The following SEMA3E variants were observed in gnomAD, a reference collection of about 807,000 sequenced individuals.
SEMA3E encodes the protein semaphorin 3E.
SEMA3E carries 49 observed loss-of-function variants against 93.6 expected under a neutral mutation model. The ratio of observed to expected loss-of-function variants is 0.52; its 90% CI spans 0.42 to 0.66. SEMA3E has a LOEUF of 0.66. SEMA3E is among the 30% of genes least tolerant of loss of function. The pLI is 0.00. For synonymous variants in SEMA3E, 363 were observed against 330.7 expected (o/e 1.10, Z -1.06); for missense variants, 906 against 964.8 (o/e 0.94, Z 0.81).
intron 1 of SEMA3E, among the ~76,000 whole-genome samples, chr7:83,502,969 A>G (rs2115609569): frequency 6.6e-6 from 1 of 151,792 alleles, no homozygotes; most frequent in South Asian, 2.1e-4. Flanking sequence ...AATGATTCAT[A>G]GTACCTAATG....
chr7:83,546,864 G>C (rs952218374), intron 1 of SEMA3E, among the ~76,000 whole-genome samples: 1 of 152,060 alleles, frequency 6.6e-6, no homozygotes, highest in Non-Finnish European at 1.5e-5. Context: ...TGAAGTAAAT[G>C]TTACCAAATC....
intron 1 of SEMA3E, among the ~76,000 whole-genome samples, chr7:83,577,839 T>C (rs1792439113): frequency 6.6e-6 from 1 of 152,044 alleles, no homozygotes; most frequent in Non-Finnish European, 1.5e-5. Context: ...ATATATTATT[T>C]TTCATAGTTA....
chr7:83,622,563 A>G (rs1008007279), intron 1 of SEMA3E, among the ~76,000 whole-genome samples: 2 of 152,348 alleles, frequency 1.3e-5, no homozygotes, highest in Middle Eastern at 3.4e-3. Flanking sequence ...CACAATAGCA[A>G]AGACATGGAA....
At chr7:83,554,484 C>A (rs571484941) in intron 1 of SEMA3E, among the ~76,000 whole-genome samples, 2 of 152,154 alleles carry the variant, frequency 1.3e-5, no homozygotes, top group African/African-American at 2.4e-5. Flanking sequence ...TCTGACCGTT[C>A]TAGAGATGTA....
chr7:83,376,787 T>A (rs187564769), intron 16 of SEMA3E, among the ~76,000 whole-genome samples: 12 of 152,190 alleles, frequency 7.9e-5, no homozygotes, highest in Non-Finnish European at 1.5e-4. Flanking sequence ...GTCTATATAA[T>A]GCATACAATT....
chr7:83,632,155 C>CA (rs61218994), intron 1 of SEMA3E, among the ~76,000 whole-genome samples: 992 of 90,720 alleles, frequency 0.011, 4 homozygotes, highest in Middle Eastern at 0.056. Flanking sequence ...AACTCCATCT[C>CA]AAAAAAAAAA....
intron 1 of SEMA3E, among the ~76,000 whole-genome samples, chr7:83,515,746 C>T (rs956326426): frequency 8.5e-5 from 13 of 152,168 alleles, no homozygotes; most frequent in African/African-American, 3.1e-4. Flanking sequence ...GCTGGTTGTT[C>T]GAGGGGAGTG....
intron 1 of SEMA3E, among the ~76,000 whole-genome samples, chr7:83,582,045 C>G (rs1400844637): frequency 6.6e-6 from 1 of 151,920 alleles, no homozygotes; most frequent in Admixed American, 6.6e-5. Context: ...GGGATCATAA[C>G]TCTACACTAA....
chr7:83,570,552 C>CAAAAAAAAA (rs59715914), intron 1 of SEMA3E, among the ~76,000 whole-genome samples: 341 of 32,956 alleles, frequency 0.01, 11 homozygotes, highest in African/African-American at 0.038. Context: ...GACTCCGTCT[C>CAAAAAAAAA]AAAAAAAAAA....
At chr7:83,456,519 G>A (rs971999908) in intron 4 of SEMA3E, among the ~76,000 whole-genome samples, 1 of 151,730 alleles carries the variant, frequency 6.6e-6, no homozygotes, top group Admixed American at 6.6e-5. Context: ...TTCTCTACCT[G>A]CTATTCTAAG....
chr7:83,447,241 C>T (rs1191303441), intron 4 of SEMA3E, among the ~76,000 whole-genome samples: 1 of 152,114 alleles, frequency 6.6e-6, no homozygotes, highest in Non-Finnish European at 1.5e-5. Flanking sequence ...ATATAAAACT[C>T]TATGCAACAT....
rs997035150 is a variant in SEMA3E, at chr7:83,380,600, G to A, written c.1875+4694C>T. Among the ~76,000 whole-genome samples the A allele has an allele frequency of 7.9e-5, 12 of 151,922 alleles. No homozygotes were observed. The East Asian group carries it at 9.7e-4, about 12-fold the overall frequency. ...TCAAATGTCATCTCTGCCATGAATCGTTTCCCAGTTGGTTATTATGCCACC... is the reference window on the plus strand; with the variant it reads ...TCAAATGTCATCTCTGCCATGAATCATTTCCCAGTTGGTTATTATGCCACC... On this transcript the variant is annotated intron_variant, in intron 16 of 16. Coordinates refer to ENST00000643230, the MANE Select transcript of SEMA3E (RefSeq NM_012431.3).
Position 83,494,550 on chromosome 7 carries a change from C to T in SEMA3E, c.116-4276G>A, listed in dbSNP as rs144382202. Among the ~76,000 whole-genome samples the T allele has an allele frequency of 2.6e-5, 4 of 151,924 alleles. No homozygotes were observed. In the East Asian group the frequency reaches 7.7e-4, roughly 29 times the overall value. ...ATGTTATTTGGAATATTAATGACTGCAATGAACAGAGATTAAATTAAAGTA... is the reference window on the plus strand; with the variant it reads ...ATGTTATTTGGAATATTAATGACTGTAATGAACAGAGATTAAATTAAAGTA... On this transcript the variant is annotated intron_variant, in intron 1 of 16. Coordinates refer to ENST00000643230, the MANE Select transcript of SEMA3E (RefSeq NM_012431.3).
intron 1 of SEMA3E, among the ~76,000 whole-genome samples, chr7:83,609,271 C>T (rs766426635): frequency 3.9e-5 from 6 of 151,920 alleles, no homozygotes; most frequent in Non-Finnish European, 7.4e-5. Flanking sequence ...CTCTACTTAA[C>T]AACAACAAAG....
In SEMA3E at chr7:83,408,449, T is replaced by C. The variant is rs759762007; in HGVS notation, c.589A>G (p.Ser197Gly). The C allele has an allele frequency of 8.7e-6, 14 of 1,613,760 alleles. No homozygotes were observed. Among genetic ancestry groups the C allele is most frequent in the Non-Finnish European group, 1.1e-5 (13 of 1,179,848 alleles). ...CTGCGGAAGATCGCAGCGTCTCTGC[T>C]CCAGTAGTCACTGTAGAGTCCAGCA... ...LFAGLYSDYW[S>G]RDAAIFRSMG... The change falls in exon 6 of 17, where the codon AGC becomes GGC. Residue 197 changes from serine to glycine, a missense_variant. Transcript: ENST00000643230.
intron 1 of SEMA3E, among the ~76,000 whole-genome samples, chr7:83,642,646 AGGCTTTACTGTG>A (rs1221145204): frequency 7.9e-5 from 12 of 152,066 alleles, no homozygotes; most frequent in African/African-American, 2.7e-4. Flanking sequence ...ATGTTATTTA[AGGCTTTACTGTG>A]AAAAAAAATA....
At chr7:83,395,494 A>G (rs1381851989) in intron 12 of SEMA3E, among the ~76,000 whole-genome samples, 2 of 152,206 alleles carry the variant, frequency 1.3e-5, no homozygotes, top group South Asian at 2.1e-4. Context: ...CTGTGTTTTT[A>G]ACTCATGGGC....
chr7:83,462,656 AT>A (rs1562793187), intron 4 of SEMA3E, among the ~76,000 whole-genome samples: 1 of 151,662 alleles, frequency 6.6e-6, no homozygotes, highest in Admixed American at 6.6e-5. Context: ...CCAATATCCC[AT>A]CCCGCAGCAC....
chr7:83,441,905 G>A (rs1293482042), intron 4 of SEMA3E, among the ~76,000 whole-genome samples: 1 of 152,104 alleles, frequency 6.6e-6, no homozygotes, highest in African/African-American at 2.4e-5. Flanking sequence ...CCAAAGAAAA[G>A]ACTAAGATTG....
Sources: allele counts gnomAD v4.1 joint callset (sites outside exome capture counted in the v4.1 genomes callset), GRCh38; gene constraint gnomAD v4.1.1; transcripts MANE v1.5; gene names NCBI Gene and HGNC (gene_info 2026-07-23, HGNC 2026-07-21).